The following CLEC4E variants were observed in gnomAD, a reference collection of about 807,000 sequenced individuals.
CLEC4E encodes the protein C-type (calcium dependent, carbohydrate-recognition domain) lectin, superfamily member 9.
A neutral mutation model predicts 24.7 loss-of-function variants in CLEC4E; 21 were observed. The observed-to-expected ratio is 0.85, with a 90% confidence interval of 0.60 to 1.22. CLEC4E has a LOEUF of 1.22. CLEC4E is among the 50% of genes most tolerant of loss of function. CLEC4E has a pLI of 0.00. For synonymous variants in CLEC4E, 94 were observed against 85.7 expected (o/e 1.10, Z -0.54); for missense variants, 249 against 254.1 (o/e 0.98, Z 0.14).
Position 8,534,592 on chromosome 12 carries a change from G to A in CLEC4E, c.*46C>T, listed in dbSNP as rs755332985. 1 of 1,521,838 alleles carries A rather than the reference G, an allele frequency of 6.6e-7. No homozygotes were observed. The highest frequency in any genetic ancestry group is 1.4e-5 in the African/African-American group (1 of 72,684). 94.3% of individuals were successfully genotyped at this position (1,521,838 alleles called of 1,614,324 possible). On this transcript the variant is annotated 3_prime_UTR_variant, in exon 6 of 6. Transcript: ENST00000299663. ...CGTGTGGGGCGGTGGGTGTGGCCAT[G>A]TTCTTGCTCTTCCTTCTTTACACAT...
chr12:8,538,138 G>A (rs914653928), intron 3 of CLEC4E, among the ~76,000 whole-genome samples: 8 of 152,338 alleles, frequency 5.3e-5, no homozygotes, highest in South Asian at 2.1e-4. Flanking sequence ...TTCCCTGGGG[G>A]AGTTTAGAGA....
rs1940573996 is a variant in CLEC4E at position 8,533,606 on chromosome 12, A to T, written c.*1032T>A. The T allele has an allele frequency of 6.6e-6, 1 of 152,212 alleles. No homozygotes were observed. The highest frequency in any genetic ancestry group is 1.5e-5 in the Non-Finnish European group (1 of 68,038). 9.4% of individuals were successfully genotyped at this position (152,212 alleles called of 1,614,324 possible). ...CAAACATGGGAACAGAAAACCAAAT[A>T]CTGCATGTCCTCACTTATAAGTGGG... On this transcript the variant is annotated 3_prime_UTR_variant, in exon 6 of 6. Transcript: ENST00000299663.
chr12:8,537,397 GT>G, intron 3 of CLEC4E, 131 bp from the exon 4 acceptor site: 1 of 694,936 alleles, frequency 1.4e-6, no homozygotes, highest in Non-Finnish European at 2.4e-6. Context: ...CTACATCTTA[GT>G]ATCTAAGACT....
rs1206107301 is a variant in CLEC4E at position 8,536,278 on chromosome 12, A to G, written c.373-73T>C. 3 of 877,042 alleles carry G rather than the reference A, an allele frequency of 3.4e-6. No individual in the cohort carries two copies. The African/African-American group carries it at 5.1e-5, about 15-fold the overall frequency. The allele number at this position is 877,042 out of a possible 1,614,324, so 54.3% of individuals were successfully genotyped here. ...TAAACGTTGCTAGTAATTATTATTC[A>G]AAGAGGTAAGAATCTGGATGAGATC... On this transcript the variant is annotated intron_variant, in intron 4 of 5. Coordinates refer to ENST00000299663, the MANE Select transcript of CLEC4E (RefSeq NM_014358.4).
Position 8,536,181 on chromosome 12 carries a change from T to C in CLEC4E, c.397A>G (p.Lys133Glu), listed in dbSNP as rs1425228512. 6.2e-7 allele frequency: 1 copy of C among 1,611,306 alleles called. No homozygotes were observed. Among genetic ancestry groups the C allele is most frequent in the Non-Finnish European group, 8.5e-7 (1 of 1,177,834 alleles). ...EQEFLSYKKP[K>E]MREFFIGLSD... Reference sequence around the variant, plus strand: ...AGTCCAATAAAAAACTCTCTCATTTTAGGTTTCTTGTAGGAAAGGAATTCC... The same window carrying C: ...AGTCCAATAAAAAACTCTCTCATTTCAGGTTTCTTGTAGGAAAGGAATTCC... Residue 133 changes from lysine to glutamate, a missense_variant, in exon 5 of 6, where the codon AAA (lysine) becomes GAA (glutamate). Coordinates refer to ENST00000299663, the MANE Select transcript of CLEC4E (RefSeq NM_014358.4).
chr12:8,536,235 A>G, intron 4 of CLEC4E, 30 bp from the exon 5 acceptor site: 1 of 1,245,228 alleles, frequency 8.0e-7, no homozygotes. Context: ...AAAGGAGATC[A>G]GTTATTTTAG....
Position 8,540,030 on chromosome 12 carries a change from C to G in CLEC4E, c.38-83G>C. 3 of 883,492 alleles carry G rather than the reference C, an allele frequency of 3.4e-6. No homozygotes were observed. In the East Asian group the frequency reaches 7.3e-5, roughly 21 times the overall value. 54.7% of individuals were successfully genotyped at this position (883,492 alleles called of 1,614,324 possible). ...TAGAAGAGATTCTTATTCATCCTTA[C>G]TTATTTCCTTCTACTTCCATTGTTT... On this transcript the variant is annotated intron_variant, in intron 1 of 5. Transcript: ENST00000299663.
intron 3 of CLEC4E, 50 bp downstream of exon 3, chr12:8,539,167 A>G: frequency 7.6e-7 from 1 of 1,308,602 alleles, no homozygotes; most frequent in South Asian, 1.2e-5. Context: ...TCTAGAAGCC[A>G]GAAAATGTTG....
At chr12:8,538,259 C>G (rs1406355132) in intron 3 of CLEC4E, among the ~76,000 whole-genome samples, 1 of 152,234 alleles carries the variant, frequency 6.6e-6, no homozygotes, top group Non-Finnish European at 1.5e-5. Context: ...TGGTCACACT[C>G]CTAGTCTGCC....
intron 4 of CLEC4E, among the ~76,000 whole-genome samples, chr12:8,536,560 A>C (rs182410071): frequency 1.6e-4 from 24 of 152,288 alleles, no homozygotes; most frequent in Non-Finnish European, 2.8e-4. Context: ...TCCATCTCAA[A>C]AAGTAAAAAA....
chr12:8,540,219 G>A (rs940766915), intron 1 of CLEC4E, among the ~76,000 whole-genome samples: 2 of 152,126 alleles, frequency 1.3e-5, no homozygotes, highest in East Asian at 1.9e-4. Context: ...AGGACCACAC[G>A]TTTAGCACCC....
Position 8,534,534 on chromosome 12 carries a change from T to C in CLEC4E, c.*104A>G, listed in dbSNP as rs766502497. The C allele has an allele frequency of 1.6e-5, 12 of 734,362 alleles. No individual in the cohort carries two copies. Among genetic ancestry groups the C allele is most frequent in the Admixed American group, 5.6e-5 (2 of 35,570 alleles). 45.5% of individuals were successfully genotyped at this position (734,362 alleles called of 1,614,324 possible). On this transcript the variant is annotated 3_prime_UTR_variant, in exon 6 of 6. Transcript: ENST00000299663. ...TTTATATCAGAGTAACAAATACTTA[T>C]GAAGTCCTTTGAAGTTCAGCGCACA...
At position 8,534,515 on chromosome 12, in the gene CLEC4E, T is replaced by C. The variant is rs777205129; in HGVS notation, c.*123A>G. The C allele has an allele frequency of 9.7e-6, 6 of 619,318 alleles. No individual in the cohort carries two copies. The Admixed American group carries it at 1.6e-4, about 17-fold the overall frequency. 38.4% of individuals were successfully genotyped at this position (619,318 alleles called of 1,614,324 possible). On this transcript the variant is annotated 3_prime_UTR_variant, in exon 6 of 6. Transcript: ENST00000299663. ...TTAAAACTACTTATTTTTATTTATATCAGAGTAACAAATACTTATGAAGTC... is the reference window on the plus strand; with the variant it reads ...TTAAAACTACTTATTTTTATTTATACCAGAGTAACAAATACTTATGAAGTC...
rs146311708 is a variant in CLEC4E, at chr12:8,534,568, G to A, written c.*70C>T. On this transcript the variant is annotated 3_prime_UTR_variant, in exon 6 of 6. Coordinates refer to ENST00000299663, the MANE Select transcript of CLEC4E (RefSeq NM_014358.4). ...TTGAAGTTCAGCGCACAAATTTCTCGTGTGGGGCGGTGGGTGTGGCCATGT... is the reference window on the plus strand; with the variant it reads ...TTGAAGTTCAGCGCACAAATTTCTCATGTGGGGCGGTGGGTGTGGCCATGT... The A allele has an allele frequency of 4.7e-5, 55 of 1,175,550 alleles. No individual in the cohort carries two copies. The highest frequency in any genetic ancestry group is 7.7e-5 in the African/African-American group (5 of 65,034). The allele number at this position is 1,175,550 out of a possible 1,614,324, so 72.8% of individuals were successfully genotyped here.
intron 3 of CLEC4E, among the ~76,000 whole-genome samples, chr12:8,538,381 T>A (rs1379724081): frequency 6.6e-6 from 1 of 152,238 alleles, no homozygotes; most frequent in African/African-American, 2.4e-5. Flanking sequence ...TGTCTTTCTC[T>A]CTGTCTCCTC....
rs373992583 is a variant in CLEC4E, at chr12:8,538,670, A to C, written c.220+547T>G. Among the ~76,000 whole-genome samples, 16 of 152,274 alleles carry C rather than the reference A, an allele frequency of 1.1e-4. No individual in the cohort carries two copies. In the South Asian group the frequency reaches 1.2e-3, roughly 12 times the overall value. ...CGTCTCTGGACACAGGGAGAGACCC[A>C]CCAACCCTGTGGGGCTGGTCCCTAC... On this transcript the variant is annotated intron_variant, in intron 3 of 5. Coordinates refer to ENST00000299663, the MANE Select transcript of CLEC4E (RefSeq NM_014358.4).
In CLEC4E at chr12:8,540,650, C is replaced by CCT. The variant is rs1555123522; in HGVS notation, c.37+110_37+111insAG. 2,742 of 766,036 alleles carry CCT rather than the reference C, an allele frequency of 3.6e-3. 5 individuals carry two copies. The highest frequency in any genetic ancestry group is 4.4e-3 in the African/African-American group (85 of 19,158). The allele number at this position is 766,036 out of a possible 1,614,324, so 47.5% of individuals were successfully genotyped here. On this transcript the variant is annotated intron_variant, in intron 1 of 5. Transcript: ENST00000299663. ...CTCTCTCTCTTCCTCTGTCCCCCCA[C>CCT]TTTTTTTTTTAACTTCAGTGAATAC...
rs1565497109 is a variant in CLEC4E, at chr12:8,540,823, T to TC, written c.-27_-26insG. On this transcript the variant is annotated 5_prime_UTR_variant, in exon 1 of 6. Transcript: ENST00000299663. ...TTTTTCTCTCTCTTTGGTTTTTTGTTTCTCTCTCTCTCTTTTTCTCTCCCT... is the reference window on the plus strand; with the variant it reads ...TTTTTCTCTCTCTTTGGTTTTTTGTTCTCTCTCTCTCTCTTTTTCTCTCCCT... 132 of 1,286,776 alleles carry TC rather than the reference T, an allele frequency of 1.0e-4. No homozygotes were observed. The highest frequency in any genetic ancestry group is 1.5e-4 in the Non-Finnish European group (130 of 891,546). 79.7% of individuals were successfully genotyped at this position (1,286,776 alleles called of 1,614,324 possible).
At position 8,537,709 on chromosome 12, in the gene CLEC4E, G is replaced by A. The variant is rs778522346; in HGVS notation, c.221-443C>T. Among the ~76,000 whole-genome samples, 42 of 152,150 alleles carry A rather than the reference G, an allele frequency of 2.8e-4. 1 individual carries two copies. The highest frequency in any genetic ancestry group is 2.2e-3 in the Admixed American group (33 of 15,290). ...GATGTGGGCGGCAAGCCACCCAGGC[G>A]CTGAGGCAAGAGACAGAGGACACGA... On this transcript the variant is annotated intron_variant, in intron 3 of 5. Coordinates refer to ENST00000299663, the MANE Select transcript of CLEC4E (RefSeq NM_014358.4).
Sources: allele counts gnomAD v4.1 joint callset (sites outside exome capture counted in the v4.1 genomes callset), GRCh38; gene constraint gnomAD v4.1.1; transcripts MANE v1.5; gene names NCBI Gene and HGNC (gene_info 2026-07-23, HGNC 2026-07-21).